The following GABPB2 variants were observed in gnomAD, a reference collection of about 807,000 sequenced individuals.
GABPB2 encodes GA binding protein transcription factor subunit beta 2, also known as GA-binding protein subunit beta-2.
A neutral mutation model predicts 39.1 loss-of-function variants in GABPB2; 23 were observed. The observed-to-expected ratio is 0.59, with a 90% confidence interval of 0.42 to 0.83. The LOEUF is 0.83. Ranked by LOEUF, GABPB2 falls within the 40% of genes least tolerant of loss-of-function variation. The pLI is 0.00. For missense variants in GABPB2, 467 were observed against 541.1 expected, an observed-to-expected ratio of 0.86 and a Z score of 1.36; for synonymous variants, 184 against 199.3, an observed-to-expected ratio of 0.92 and a Z score of 0.65.
intron 7 of GABPB2, among the ~76,000 whole-genome samples, chr1:151,111,513 C>G (rs1680425766): frequency 6.6e-6 from 1 of 151,938 alleles, no homozygotes; most frequent in Admixed American, 6.6e-5. Flanking sequence ...AGCTCCACCT[C>G]CCGGGTTGAC....
chr1:151,112,111 C>A (rs1680482402), intron 7 of GABPB2: 1 of 142,402 alleles, frequency 7.0e-6, no homozygotes, highest in Admixed American at 7.3e-5. Context: ...GTAGTCCCAG[C>A]TACTCGGGAG....
intron 6 of GABPB2, among the ~76,000 whole-genome samples, chr1:151,104,789 C>CTTTA (rs1342101643): frequency 1.8e-5 from 1 of 56,952 alleles, no homozygotes; most frequent in Non-Finnish European, 4.3e-5. Flanking sequence ...TTCTTTCTTT[C>CTTTA]TTTCTTTCTT....
At chr1:151,080,268 T>TG (rs1268131376) in intron 1 of GABPB2, among the ~76,000 whole-genome samples, 3 of 136,910 alleles carry the variant, frequency 2.2e-5, no homozygotes, top group African/African-American at 8.2e-5. Flanking sequence ...GGTATGGTGG[T>TG]GGGCAGGCCA....
At chr1:151,074,651 C>A (rs587759395) in intron 1 of GABPB2, among the ~76,000 whole-genome samples, 1 of 152,138 alleles carries the variant, frequency 6.6e-6, no homozygotes, top group African/African-American at 2.4e-5. Context: ...AGGGTAACTT[C>A]CTGACATTGC....
intron 2 of GABPB2, 42 bp from the exon 3 acceptor site, chr1:151,090,364 T>A (rs769499316): frequency 1.2e-5 from 19 of 1,580,162 alleles, no homozygotes; most frequent in Non-Finnish European, 1.3e-5. Context: ...GATCTAGGAC[T>A]CTGCACACAG....
intron 7 of GABPB2, among the ~76,000 whole-genome samples, chr1:151,114,591 G>A (rs1464966106): frequency 4.6e-5 from 7 of 152,160 alleles, no homozygotes; most frequent in South Asian, 4.2e-4. Flanking sequence ...CCAGATACTC[G>A]GGAGGCTGAG....
chr1:151,121,444 CT>C lies in GABPB2; in HGVS notation c.*3199del, dbSNP rs764920505. Reference sequence around the variant, plus strand: ...ACTGCTGGGTTTTCTTTTTCTTTTTCTTTTTTTTTTTGAGACGGAGTTTCAC... The same window carrying C: ...ACTGCTGGGTTTTCTTTTTCTTTTTCTTTTTTTTTTGAGACGGAGTTTCAC... On this transcript the variant is annotated 3_prime_UTR_variant, in exon 9 of 9. Coordinates refer to ENST00000368918, the MANE Select transcript of GABPB2 (RefSeq NM_144618.3). 146 of 147,916 alleles carry C rather than the reference CT, an allele frequency of 9.9e-4. No homozygotes were observed. Among genetic ancestry groups the C allele is most frequent in the Middle Eastern group, 3.5e-3 (1 of 286 alleles). 9.2% of individuals were successfully genotyped at this position (147,916 alleles called of 1,614,324 possible). A position where few individuals can be genotyped will look rare whatever the true frequency, so the allele number is the denominator to read the frequency against.
At chr1:151,114,344 TAATA>T (rs371504117) in intron 7 of GABPB2, among the ~76,000 whole-genome samples, 3,193 of 150,272 alleles carry the variant, frequency 0.021, 98 homozygotes, top group African/African-American at 0.074. Flanking sequence ...CTCTGTCTCA[TAATA>T]AATAAATAAA....
chr1:151,096,820 T>A (rs1400639512), intron 4 of GABPB2, among the ~76,000 whole-genome samples: 2 of 152,198 alleles, frequency 1.3e-5, no homozygotes, highest in African/African-American at 4.8e-5. Context: ...TCTGCAGGGA[T>A]CTCTTGCTAG....
chr1:151,074,469 C>A (rs375209824), intron 1 of GABPB2, among the ~76,000 whole-genome samples: 1 of 136,840 alleles, frequency 7.3e-6, no homozygotes, highest in Non-Finnish European at 1.6e-5. Flanking sequence ...CGCCACCATG[C>A]CCAGCTAATT....
intron 1 of GABPB2, among the ~76,000 whole-genome samples, chr1:151,081,016 G>A (rs1277246379): frequency 6.7e-6 from 1 of 150,078 alleles, no homozygotes; most frequent in Non-Finnish European, 1.5e-5. Flanking sequence ...GGGACTACAC[G>A]GGCCCACCAC....
Position 151,118,988 on chromosome 1 carries a change from A to T in GABPB2, c.*732A>T, listed in dbSNP as rs992561304. The T allele has an allele frequency of 6.6e-5, 10 of 152,142 alleles. No individual in the cohort carries two copies. Among genetic ancestry groups the T allele is most frequent in the African/African-American group, 2.4e-4 (10 of 41,428 alleles). The allele number at this position is 152,142 out of a possible 1,614,324, so 9.4% of individuals were successfully genotyped here. A position where few individuals can be genotyped will look rare whatever the true frequency, so the allele number is the denominator to read the frequency against. On this transcript the variant is annotated 3_prime_UTR_variant, in exon 9 of 9. Coordinates refer to ENST00000368918, the MANE Select transcript of GABPB2 (RefSeq NM_144618.3). ...ATTGTCTGACAGATACTTATCCATT[A>T]TGTGTCTATAGTTCAGATGCTTGTG...
chr1:151,075,333 G>A (rs983795299), intron 1 of GABPB2, among the ~76,000 whole-genome samples: 1 of 152,036 alleles, frequency 6.6e-6, no homozygotes, highest in African/African-American at 2.4e-5. Flanking sequence ...GGGAGGCCCA[G>A]GAGGGCAGAT....
intron 6 of GABPB2, among the ~76,000 whole-genome samples, 180 bp downstream of exon 6, chr1:151,103,855 C>A (rs587716031): frequency 5.9e-5 from 9 of 152,308 alleles, no homozygotes; most frequent in African/African-American, 1.9e-4. Context: ...TATAATCAGA[C>A]AGCTGAATAA....
intron 7 of GABPB2, among the ~76,000 whole-genome samples, chr1:151,107,888 T>C (rs1680095029): frequency 6.6e-6 from 1 of 151,978 alleles, no homozygotes; most frequent in Non-Finnish European, 1.5e-5. Context: ...TGAGCCGTGA[T>C]TGTGCTACTG....
chr1:151,073,238 G>A (rs1317510614), intron 1 of GABPB2: 1 of 152,068 alleles, frequency 6.6e-6, no homozygotes, highest in Non-Finnish European at 1.5e-5. Context: ...TCCCGGCTGG[G>A]ATCAAATTCC....
chr1:151,078,272 G>GAAAA (rs749005394), intron 1 of GABPB2, among the ~76,000 whole-genome samples: 1 of 95,210 alleles, frequency 1.1e-5, no homozygotes, highest in Non-Finnish European at 2.1e-5. Flanking sequence ...ACTTCAACTC[G>GAAAA]AAAAAAAAAA....
chr1:151,106,904 G>A (rs963258954), intron 6 of GABPB2, 133 bp from the exon 7 acceptor site: 5 of 538,902 alleles, frequency 9.3e-6, no homozygotes, highest in Middle Eastern at 4.1e-4. Context: ...AACCTTTTGC[G>A]AACTGTTGAA....
chr1:151,117,570 GA>G, intron 8 of GABPB2, 54 bp downstream of exon 8: 1 of 1,557,856 alleles, frequency 6.4e-7, no homozygotes, highest in Admixed American at 1.8e-5. Flanking sequence ...ATTAAGGCCT[GA>G]ACCCTTCTTC....
Sources: allele counts gnomAD v4.1 joint callset (sites outside exome capture counted in the v4.1 genomes callset), GRCh38; gene constraint gnomAD v4.1.1; transcripts MANE v1.5; gene names NCBI Gene and HGNC (gene_info 2026-07-23, HGNC 2026-07-21).